The following TRIP12 variants were observed in gnomAD, a reference collection of about 807,000 sequenced individuals.
TRIP12 encodes the protein thyroid hormone receptor interactor 12.
A neutral mutation model predicts 244.2 loss-of-function variants in TRIP12; 25 were observed. The ratio of observed to expected loss-of-function variants is 0.10; its 90% CI spans 0.07 to 0.14. The LOEUF is 0.14. Ranked by LOEUF, TRIP12 falls within the 10% of genes least tolerant of loss-of-function variation. The probability of loss-of-function intolerance (pLI) is 1.00; values close to 1 mark genes in which losing one functional copy is unlikely to be tolerated. For synonymous variants in TRIP12, 905 were observed against 873.1 expected (o/e 1.04, Z -0.64); for missense variants, 1,677 against 2,486.4 (o/e 0.67, Z 6.92).
chr2:229,882,812 T>G (rs1211914593), intron 1 of TRIP12, among the ~76,000 whole-genome samples: 1 of 152,198 alleles, frequency 6.6e-6, no homozygotes, highest in Non-Finnish European at 1.5e-5. Flanking sequence ...TAGAGTCACC[T>G]AGGTAACCTT....
chr2:229,837,699 T>A (rs1333521595), intron 5 of TRIP12, among the ~76,000 whole-genome samples: 1 of 151,850 alleles, frequency 6.6e-6, no homozygotes, highest in East Asian at 1.9e-4. Context: ...TGGAAAAAAA[T>A]TTCCCAGCCC....
upstream of TRIP12, chr2:229,922,458 C>T (rs914130312): frequency 3.8e-6 from 6 of 1,580,792 alleles, no homozygotes; most frequent in African/African-American, 5.4e-5. Flanking sequence ...GCCCCTTGAC[C>T]CCAACCAAGC....
At chr2:229,887,808 G>A (rs1003195120) in intron 1 of TRIP12, among the ~76,000 whole-genome samples, 2 of 152,148 alleles carry the variant, frequency 1.3e-5, no homozygotes, top group Non-Finnish European at 2.9e-5. Context: ...TTTTCTGCAA[G>A]AGCATCATAT....
At chr2:229,865,204 C>T (rs766383683) in intron 2 of TRIP12, among the ~76,000 whole-genome samples, 19 of 150,518 alleles carry the variant, frequency 1.3e-4, no homozygotes, top group Non-Finnish European at 1.6e-4. Context: ...CCTAGCTACT[C>T]GGGAAGCTGG....
At chr2:229,789,132 C>T (rs917890219) in intron 31 of TRIP12, among the ~76,000 whole-genome samples, 192 bp from the exon 32 acceptor site, 34 of 152,182 alleles carry the variant, frequency 2.2e-4, no homozygotes, top group Non-Finnish European at 4.1e-4. Context: ...CTGTTAAGCC[C>T]TCACACATAC....
intron 17 of TRIP12, among the ~76,000 whole-genome samples, chr2:229,806,393 C>T (rs569938210): frequency 1.8e-4 from 27 of 152,282 alleles, no homozygotes; most frequent in Admixed American, 5.9e-4. Flanking sequence ...ACAGATTAAT[C>T]GCCAAGGTTG....
intron 2 of TRIP12, among the ~76,000 whole-genome samples, chr2:229,876,687 T>A (rs1295732161): frequency 1.3e-5 from 2 of 152,202 alleles, no homozygotes; most frequent in Non-Finnish European, 2.9e-5. Flanking sequence ...TGAGACAGGG[T>A]CTTTCTCTGT....
intron 1 of TRIP12, among the ~76,000 whole-genome samples, chr2:229,889,895 C>A (rs890105694): frequency 6.6e-6 from 1 of 152,100 alleles, no homozygotes; most frequent in African/African-American, 2.4e-5. Context: ...ATTCACAGTA[C>A]AAGGTACCCT....
chr2:229,843,172 T>C (rs2056881580), intron 4 of TRIP12, among the ~76,000 whole-genome samples: 1 of 150,312 alleles, frequency 6.7e-6, no homozygotes, highest in Admixed American at 6.6e-5. Context: ...TTTACCTTTA[T>C]GATGCCACTC....
Position 229,851,657 on chromosome 2 carries a change from G to A in TRIP12, c.1027+7115C>T, listed in dbSNP as rs533824276. ...TTTTATGAGCTATAACACTCACCGC[G>A]AAGATCTGCAGCTTCACTCCTGAAG... On this transcript the variant is annotated intron_variant, in intron 4 of 41. Coordinates refer to ENST00000675903, the MANE Select transcript of TRIP12 (RefSeq NM_001348323.3). Among the ~76,000 whole-genome samples the A allele has an allele frequency of 2.6e-5, 4 of 152,158 alleles. 1 individual carries two copies. The highest frequency in any genetic ancestry group is 7.2e-5 in the African/African-American group (3 of 41,502).
chr2:229,772,433 T>A (rs1559298740), intron 38 of TRIP12, among the ~76,000 whole-genome samples: 1 of 152,202 alleles, frequency 6.6e-6, no homozygotes, highest in African/African-American at 2.4e-5. Flanking sequence ...TACTTATGAA[T>A]CACAGAACTG....
At position 229,798,976 on chromosome 2, in the gene TRIP12, C is replaced by T; in HGVS notation, c.3381G>A (p.Arg1127=). 1 of 1,614,156 alleles carries T rather than the reference C, an allele frequency of 6.2e-7. No homozygotes were observed. Residue 1127 remains arginine, a synonymous_variant, in exon 23 of 42, where the codon AGG becomes AGA. Coordinates refer to ENST00000675903, the MANE Select transcript of TRIP12 (RefSeq NM_001348323.3). The part of the protein sequence containing the change: ...LASLNPKTWG[R]LSTQSNSNNI... ...TGTTGCTGTTGGACTGTGTACTTAA[C>T]CTTCCCCATGTTTTTGGATTCAAGC... is the stretch of plus-strand genomic sequence containing the variant.
rs577957490 is a variant in TRIP12, at chr2:229,911,776, ATATTT to A, written c.-50+10099_-50+10103del. ...CTCTACTATGCAGAGTGCAAAGCGA[ATATTT>A]TATTAGAATATTTAATTTGATTAAA... On this transcript the variant is annotated intron_variant, in intron 1 of 41. Transcript: ENST00000675903. Among the ~76,000 whole-genome samples, 19 of 152,328 alleles carry A rather than the reference ATATTT, an allele frequency of 1.2e-4. No individual in the cohort carries two copies. In the South Asian group the frequency reaches 2.5e-3, roughly 20 times the overall value.
chr2:229,831,838 GC>G (rs1343788129), intron 6 of TRIP12, among the ~76,000 whole-genome samples: 2 of 149,964 alleles, frequency 1.3e-5, no homozygotes, highest in African/African-American at 4.9e-5. Context: ...AGTTAATTGT[GC>G]CTCTATGTGT....
At position 229,903,170 on chromosome 2, in the gene TRIP12, T is replaced by C. The variant is rs539450179; in HGVS notation, c.-50+18710A>G. Among the ~76,000 whole-genome samples the C allele has an allele frequency of 9.2e-5, 14 of 152,146 alleles. No homozygotes were observed. In the South Asian group the frequency reaches 2.5e-3, roughly 27 times the overall value. ...TATCTTTTCTTCTTCCTGACTCAAA[T>C]GCAATGGACACAATGACTTCAAGCC... On this transcript the variant is annotated intron_variant, in intron 1 of 41. Transcript: ENST00000675903.
At chr2:229,817,875 G>A (rs950490429) in intron 9 of TRIP12, among the ~76,000 whole-genome samples, 5 of 152,078 alleles carry the variant, frequency 3.3e-5, no homozygotes, top group Admixed American at 6.6e-5. Flanking sequence ...GATTACAGGC[G>A]TCAGACATTG....
At chr2:229,798,294 C>T (rs2043319918) in intron 23 of TRIP12, among the ~76,000 whole-genome samples, 1 of 152,150 alleles carries the variant, frequency 6.6e-6, no homozygotes, top group East Asian at 1.9e-4. Context: ...AATCCATTCA[C>T]TTAATTATTT....
intron 4 of TRIP12, among the ~76,000 whole-genome samples, chr2:229,842,838 C>T (rs1018900486): frequency 2.0e-5 from 3 of 152,188 alleles, no homozygotes; most frequent in Admixed American, 6.5e-5. Flanking sequence ...TACTCTTTCA[C>T]TATTCATGTC....
At chr2:229,785,260 T>A (rs1198330863) in intron 34 of TRIP12, among the ~76,000 whole-genome samples, 5 of 152,272 alleles carry the variant, frequency 3.3e-5, no homozygotes, top group South Asian at 2.1e-4. Flanking sequence ...AGAAAACACA[T>A]CAATGTTTAT....
Sources: allele counts gnomAD v4.1 joint callset (sites outside exome capture counted in the v4.1 genomes callset), GRCh38; gene constraint gnomAD v4.1.1; transcripts MANE v1.5; gene names NCBI Gene and HGNC (gene_info 2026-07-23, HGNC 2026-07-21).